The following FMNL2 variants were observed in gnomAD, a reference collection of about 807,000 sequenced individuals.
FMNL2 encodes formin like 2.
A neutral mutation model predicts 130.2 loss-of-function variants in FMNL2; 51 were observed. The ratio of observed to expected loss-of-function variants is 0.39; its 90% CI spans 0.31 to 0.49. FMNL2 has a LOEUF of 0.49. FMNL2 is among the 20% of genes least tolerant of loss of function. FMNL2 has a pLI of 0.85. For missense variants in FMNL2, 977 were observed against 1,316.2 expected (o/e 0.74, Z 3.99); for synonymous variants, 465 against 467.1 (o/e 1.00, Z 0.06).
In FMNL2 at chr2:152,502,074, C is replaced by T. The variant is rs1433293414; in HGVS notation, c.118-19869C>T. ...ACTTTTTAACCCCTTGTTCTTCGTGCGAGTCTATAGGGTAAGTTCTTCTTG... is the reference window on the plus strand; with the variant it reads ...ACTTTTTAACCCCTTGTTCTTCGTGTGAGTCTATAGGGTAAGTTCTTCTTG... On this transcript the variant is annotated intron_variant, in intron 1 of 25. Transcript: ENST00000288670. Among the ~76,000 whole-genome samples the T allele has an allele frequency of 7.2e-5, 11 of 152,194 alleles. No homozygotes were observed. In the South Asian group the frequency reaches 8.3e-4, roughly 11 times the overall value.
In FMNL2 at chr2:152,624,304, C is replaced by T. The variant is rs140872815; in HGVS notation, c.1838-1134C>T. ...TTCCGAGTAGCTAGGATTATAGGTGCACACCACCACAACTGGCTAATTTGT... is the reference window on the plus strand; with the variant it reads ...TTCCGAGTAGCTAGGATTATAGGTGTACACCACCACAACTGGCTAATTTGT... On this transcript the variant is annotated intron_variant, in intron 15 of 25. Transcript: ENST00000288670. Among the ~76,000 whole-genome samples, 681 of 151,582 alleles carry T rather than the reference C, an allele frequency of 4.5e-3. 2 individuals are homozygous for T. Among genetic ancestry groups the T allele is most frequent in the African/African-American group, 0.016 (659 of 41,304 alleles).
At chr2:152,641,026 T>A in intron 25 of FMNL2, 112 bp downstream of exon 25, 1 of 1,420,482 alleles carries the variant, frequency 7.0e-7, no homozygotes, top group Non-Finnish European at 9.7e-7. Flanking sequence ...GTTCATTAGT[T>A]GACTTTATTC....
chr2:152,582,099 A>T (rs1262467480), intron 9 of FMNL2, among the ~76,000 whole-genome samples: 1 of 152,228 alleles, frequency 6.6e-6, no homozygotes. Flanking sequence ...ATTGAAATAC[A>T]TAGTTTACCT....
At chr2:152,345,715 A>ATGCCATAAACTTGGATTCCCAGGGCCT (rs1682079493) in intron 1 of FMNL2, among the ~76,000 whole-genome samples, 1 of 152,196 alleles carries the variant, frequency 6.6e-6, no homozygotes, top group Non-Finnish European at 1.5e-5. Context: ...TGGGACCAGG[A>ATGCCATAAACTTGGATTCCCAGGGCCT]TGCCATAAAC....
chr2:152,395,466 G>A (rs1685341274), intron 1 of FMNL2, among the ~76,000 whole-genome samples: 1 of 152,130 alleles, frequency 6.6e-6, no homozygotes, highest in African/African-American at 2.4e-5. Flanking sequence ...AGCTTTCTTA[G>A]GAAACTTGTT....
intron 2 of FMNL2, among the ~76,000 whole-genome samples, chr2:152,533,989 G>A (rs892799297): frequency 1.3e-5 from 2 of 152,004 alleles, no homozygotes; most frequent in Non-Finnish European, 2.9e-5. Flanking sequence ...TTATATCATC[G>A]TACTTACCAA....
intron 1 of FMNL2, among the ~76,000 whole-genome samples, chr2:152,348,818 GTTTTTTTTTTT>G (rs1244621847): frequency 1.8e-4 from 13 of 71,814 alleles, no homozygotes; most frequent in South Asian, 1.2e-3. Flanking sequence ...GCTTCTAAGG[GTTTTTTTTTTT>G]TTTTTTTTTT....
chr2:152,621,797 CTG>C (rs947318411), intron 15 of FMNL2, among the ~76,000 whole-genome samples: 4 of 152,188 alleles, frequency 2.6e-5, no homozygotes, highest in African/African-American at 9.7e-5. Flanking sequence ...CTCTCTCACT[CTG>C]GAACCAAGAG....
chr2:152,458,514 G>T (rs957393328), intron 1 of FMNL2, among the ~76,000 whole-genome samples: 1 of 152,104 alleles, frequency 6.6e-6, no homozygotes, highest in Non-Finnish European at 1.5e-5. Flanking sequence ...GAAATCCTGC[G>T]ACATTGGCCA....
chr2:152,543,530 C>T (rs1694434885), intron 3 of FMNL2, among the ~76,000 whole-genome samples: 1 of 152,030 alleles, frequency 6.6e-6, no homozygotes, highest in Non-Finnish European at 1.5e-5. Flanking sequence ...CATTGACCTA[C>T]AACTCCTGCT....
At chr2:152,420,310 A>G (rs1041666961) in intron 1 of FMNL2, among the ~76,000 whole-genome samples, 3 of 152,230 alleles carry the variant, frequency 2.0e-5, no homozygotes, top group African/African-American at 7.2e-5. Context: ...CTGTTGGTAG[A>G]ACTGAGTTAA....
At chr2:152,523,790 G>C (rs7421149) in intron 2 of FMNL2, among the ~76,000 whole-genome samples, 118,970 of 152,134 alleles carry the variant, frequency 0.78, 47,853 homozygotes, top group Non-Finnish European at 0.9. Context: ...ACTTTGTTTT[G>C]TAAGTATTTA....
intron 1 of FMNL2, among the ~76,000 whole-genome samples, chr2:152,510,988 A>G (rs1043425922): frequency 6.6e-6 from 1 of 152,068 alleles, no homozygotes; most frequent in African/African-American, 2.4e-5. Flanking sequence ...TTTATTTTTA[A>G]TTTTTTTGGT....
chr2:152,423,343 A>G (rs900744104), intron 1 of FMNL2, among the ~76,000 whole-genome samples: 1 of 152,232 alleles, frequency 6.6e-6, no homozygotes, highest in African/African-American at 2.4e-5. Context: ...ACAGATAGAG[A>G]AACAGAAGCA....
chr2:152,399,063 T>A (rs1685544784), intron 1 of FMNL2, among the ~76,000 whole-genome samples: 1 of 152,210 alleles, frequency 6.6e-6, no homozygotes, highest in Non-Finnish European at 1.5e-5. Context: ...AGCAGACAGC[T>A]TCACTGGCTT....
chr2:152,470,432 A>T (rs1479220257), intron 1 of FMNL2, among the ~76,000 whole-genome samples: 1 of 152,244 alleles, frequency 6.6e-6, no homozygotes, highest in Non-Finnish European at 1.5e-5. Flanking sequence ...ATTGCTGTCT[A>T]CGATTTGTCA....
chr2:152,377,912 G>T (rs556901664), intron 1 of FMNL2, among the ~76,000 whole-genome samples: 42 of 152,066 alleles, frequency 2.8e-4, no homozygotes, highest in African/African-American at 7.0e-4. Flanking sequence ...TAGGCAAATC[G>T]CTTGAACCCG....
chr2:152,335,546 A>G lies in FMNL2; in HGVS notation c.-58A>G, dbSNP rs1681349946. The G allele has an allele frequency of 6.8e-7, 1 of 1,460,054 alleles. No individual in the cohort carries two copies. The highest frequency in any genetic ancestry group is 9.3e-7 in the Non-Finnish European group (1 of 1,072,106). The allele number at this position is 1,460,054 out of a possible 1,614,324, so 90.4% of individuals were successfully genotyped here. On this transcript the variant is annotated 5_prime_UTR_variant, in exon 1 of 26. Coordinates refer to ENST00000288670, the MANE Select transcript of FMNL2 (RefSeq NM_052905.4). ...CAGCCGACCGCCGGGAGCTGTTCTG[A>G]TTTCCGACGCGCACGCTAGGGGCCC...
intron 1 of FMNL2, among the ~76,000 whole-genome samples, chr2:152,470,212 C>T (rs1247767565): frequency 6.6e-6 from 1 of 152,164 alleles, no homozygotes; most frequent in African/African-American, 2.4e-5. Context: ...ATGTTTACGG[C>T]ATACACAGGA....
Sources: gnomAD v4.1 joint callset for allele counts (sites outside exome capture counted in the v4.1 genomes callset) on GRCh38, gnomAD v4.1.1 for gene constraint, MANE v1.5 for transcripts, NCBI Gene and HGNC (gene_info 2026-07-23, HGNC 2026-07-21) for gene names.